Variants in SAMD4A observed in about 807,000 individuals in gnomAD.
SAMD4A encodes protein Smaug homolog 1.
SAMD4A carries 33 observed loss-of-function variants against 81.3 expected under a neutral mutation model. The ratio of observed to expected loss-of-function variants is 0.41; its 90% CI spans 0.31 to 0.54. SAMD4A has a LOEUF of 0.54. Among genes scored for constraint, SAMD4A ranks in the 20% least tolerant of loss-of-function variants. SAMD4A has a pLI of 0.37. For missense variants in SAMD4A, 854 were observed against 951.1 expected (o/e 0.90, Z 1.34); for synonymous variants, 389 against 382.1 (o/e 1.02, Z -0.21).
At chr14:54,683,704 A>G (rs1431844362) in intron 2 of SAMD4A, among the ~76,000 whole-genome samples, 1 of 152,238 alleles carries the variant, frequency 6.6e-6, no homozygotes, top group African/African-American at 2.4e-5. Flanking sequence ...TTTGAGCCAT[A>G]AAGAAACCAA....
chr14:54,678,179 G>A (rs974020708), intron 2 of SAMD4A, among the ~76,000 whole-genome samples: 2 of 152,184 alleles, frequency 1.3e-5, no homozygotes, highest in African/African-American at 4.8e-5. Context: ...AAGTATGATT[G>A]GGGGACAAAA....
At chr14:54,759,069 C>CT (rs1566623678) in intron 6 of SAMD4A, among the ~76,000 whole-genome samples, 1 of 152,120 alleles carries the variant, frequency 6.6e-6, no homozygotes, top group South Asian at 2.1e-4. Flanking sequence ...ACTTTTATTT[C>CT]TTTTTTTAAT....
intron 2 of SAMD4A, among the ~76,000 whole-genome samples, chr14:54,686,085 C>G (rs1594809990): frequency 1.3e-5 from 2 of 152,080 alleles, no homozygotes; most frequent in African/African-American, 4.8e-5. Flanking sequence ...GGTGGTGAGT[C>G]CAGCTTTCTC....
At chr14:54,695,999 A>G (rs2036569628) in intron 2 of SAMD4A, among the ~76,000 whole-genome samples, 1 of 151,230 alleles carries the variant, frequency 6.6e-6, no homozygotes, top group Non-Finnish European at 1.5e-5. Context: ...GGGAGGGTTT[A>G]TATCTTTTCA....
rs935106596 is a variant in SAMD4A at position 54,791,064 on chromosome 14, T to C, written c.*2120T>C. The C allele has an allele frequency of 3.9e-5, 6 of 152,214 alleles. No individual in the cohort carries two copies. Among genetic ancestry groups the C allele is most frequent in the Non-Finnish European group, 8.8e-5 (6 of 68,040 alleles). 9.4% of individuals were successfully genotyped at this position (152,214 alleles called of 1,614,324 possible). A position where few individuals can be genotyped will look rare whatever the true frequency, so the allele number is the denominator to read the frequency against. On this transcript the variant is annotated 3_prime_UTR_variant, in exon 13 of 13. Coordinates refer to ENST00000554335, the MANE Select transcript of SAMD4A (RefSeq NM_015589.6). ...ATGTGCAGAAAGAGATGGCATTTTTTAGTTGATTATTTTTAACCAAGTGCC... is the reference window on the plus strand; with the variant it reads ...ATGTGCAGAAAGAGATGGCATTTTTCAGTTGATTATTTTTAACCAAGTGCC...
At chr14:54,590,319 T>C (rs2033741090) in intron 2 of SAMD4A, among the ~76,000 whole-genome samples, 1 of 152,024 alleles carries the variant, frequency 6.6e-6, no homozygotes, top group African/African-American at 2.4e-5. Context: ...TGAGACTTCA[T>C]CTCTACGGAA....
chr14:54,611,525 TA>T (rs1386063532), intron 2 of SAMD4A, among the ~76,000 whole-genome samples: 1 of 152,134 alleles, frequency 6.6e-6, no homozygotes, highest in Non-Finnish European at 1.5e-5. Context: ...TCAGTAAGGT[TA>T]AAAAGAGAAC....
chr14:54,765,050 C>T (rs1483212270), intron 8 of SAMD4A, among the ~76,000 whole-genome samples: 1 of 152,168 alleles, frequency 6.6e-6, no homozygotes, highest in African/African-American at 2.4e-5. Flanking sequence ...CTGAGGCAGG[C>T]TGCAGGTGTG....
chr14:54,698,072 A>G (rs1235653447), intron 2 of SAMD4A, among the ~76,000 whole-genome samples: 1 of 152,202 alleles, frequency 6.6e-6, no homozygotes, highest in Non-Finnish European at 1.5e-5. Context: ...AAAGTGACTC[A>G]CTGAATCCAA....
intron 8 of SAMD4A, among the ~76,000 whole-genome samples, chr14:54,766,825 G>A (rs2038557420): frequency 6.6e-6 from 1 of 152,162 alleles, no homozygotes; most frequent in Admixed American, 6.5e-5. Context: ...CCAGCTACCT[G>A]TGCCAAACAA....
chr14:54,659,365 A>G (rs996538146), intron 2 of SAMD4A, among the ~76,000 whole-genome samples: 2 of 152,108 alleles, frequency 1.3e-5, no homozygotes, highest in African/African-American at 4.8e-5. Context: ...CCTTGGTGGT[A>G]TCCATTCATT....
intron 3 of SAMD4A, among the ~76,000 whole-genome samples, chr14:54,719,161 G>A (rs1350859631): frequency 6.6e-6 from 1 of 152,066 alleles, no homozygotes; most frequent in African/African-American, 2.4e-5. Flanking sequence ...CTTTGGCTGG[G>A]CTATCAGAAC....
chr14:54,634,431 CCAGGGA>C lies in SAMD4A; in HGVS notation c.196+66321_196+66326del, dbSNP rs2034982225. On this transcript the variant is annotated intron_variant, in intron 2 of 12. Transcript: ENST00000554335. ...TCAGCGGTCCCCCACCTTTTTGGCA[CCAGGGA>C]CTGGTTTCATGGAAGACAAAGTTTC... 3.3e-5 allele frequency among the ~76,000 whole-genome samples: 5 copies of C among 151,998 alleles called. 1 individual carries two copies. In the South Asian group the frequency reaches 1.0e-3, roughly 32 times the overall value.
At chr14:54,581,431 C>T (rs1272756619) in intron 2 of SAMD4A, among the ~76,000 whole-genome samples, 4 of 152,170 alleles carry the variant, frequency 2.6e-5, no homozygotes, top group African/African-American at 4.8e-5. Flanking sequence ...GGCTTGGATC[C>T]GATGATCCAA....
intron 3 of SAMD4A, among the ~76,000 whole-genome samples, chr14:54,726,154 ATG>A (rs898397146): frequency 1.3e-5 from 2 of 152,098 alleles, no homozygotes; most frequent in African/African-American, 4.8e-5. Context: ...CTAAAAGAAA[ATG>A]TGCCTGGAGC....
At chr14:54,580,474 T>G (rs750683807) in intron 2 of SAMD4A, among the ~76,000 whole-genome samples, 1 of 152,238 alleles carries the variant, frequency 6.6e-6, no homozygotes, top group East Asian at 1.9e-4. Context: ...CAATGTCTTC[T>G]TGGTTTATGC....
At chr14:54,754,736 T>G in intron 6 of SAMD4A, 2 of 630,958 alleles carry the variant, frequency 3.2e-6, no homozygotes, top group Non-Finnish European at 4.0e-6. Context: ...TATTCTTACC[T>G]CACATAGATT....
chr14:54,725,706 C>A (rs1408727195), intron 3 of SAMD4A, among the ~76,000 whole-genome samples: 1 of 152,176 alleles, frequency 6.6e-6, no homozygotes, highest in Non-Finnish European at 1.5e-5. Flanking sequence ...TTACAATATG[C>A]AAAACATTTT....
chr14:54,681,878 C>G, intron 2 of SAMD4A: 1 of 985,276 alleles, frequency 1.0e-6, no homozygotes, highest in East Asian at 1.1e-4. Flanking sequence ...TAAGCTGTGA[C>G]AGACCACTGC....
Sources: gnomAD v4.1 joint callset for allele counts (sites outside exome capture counted in the v4.1 genomes callset) on GRCh38, gnomAD v4.1.1 for gene constraint, MANE v1.5 for transcripts, NCBI Gene and HGNC (gene_info 2026-07-23, HGNC 2026-07-21) for gene names.